The following PLCB1 variants were observed in gnomAD, a reference collection of about 807,000 sequenced individuals.
PLCB1 encodes 1-phosphatidylinositol 4,5-bisphosphate phosphodiesterase beta-1.
Under a neutral mutation model 161.8 loss-of-function variants are expected in PLCB1, and 46 were observed. The ratio of observed to expected loss-of-function variants is 0.28; its 90% CI spans 0.22 to 0.36. The LOEUF is 0.36. Among genes scored for constraint, PLCB1 ranks in the 10% least tolerant of loss-of-function variants. PLCB1 has a pLI of 1.00. For missense variants in PLCB1, 1,016 were observed against 1,472.5 expected (o/e 0.69, Z 5.07); for synonymous variants, 517 against 503.7 (o/e 1.03, Z -0.35).
At chr20:8,605,344 G>A (rs933489718) in intron 3 of PLCB1, among the ~76,000 whole-genome samples, 1 of 151,724 alleles carries the variant, frequency 6.6e-6, no homozygotes, top group African/African-American at 2.4e-5. Flanking sequence ...TCATTTGAAG[G>A]CCATATAGTA....
chr20:8,535,773 TATA>T (rs1985025632), intron 3 of PLCB1, among the ~76,000 whole-genome samples: 1 of 152,134 alleles, frequency 6.6e-6, no homozygotes, highest in South Asian at 2.1e-4. Flanking sequence ...ATTATTTTGA[TATA>T]ATAAAAGAGA....
chr20:8,881,306 C>G (rs1987972752), intron 31 of PLCB1, among the ~76,000 whole-genome samples: 1 of 149,100 alleles, frequency 6.7e-6, no homozygotes, highest in Non-Finnish European at 1.5e-5. Flanking sequence ...CGCCCAGACT[C>G]TGACACCTTT....
rs6140561 is a variant in PLCB1, at chr20:8,238,866, T to C, written c.177+88495T>C. Among the ~76,000 whole-genome samples the C allele has an allele frequency of 3.7e-3, 559 of 150,086 alleles. 5 individuals are homozygous for C. The highest frequency in any genetic ancestry group is 0.013 in the African/African-American group (526 of 41,078). ...GGAGTCCATTGAGTAAATGGGTGGC[T>C]GGGGGGAAGACATCAGACCCCGAGA... On this transcript the variant is annotated intron_variant, in intron 2 of 31. Transcript: ENST00000338037.
At chr20:8,256,605 T>G (rs1185062117) in intron 2 of PLCB1, 1 of 152,076 alleles carries the variant, frequency 6.6e-6, no homozygotes, top group Non-Finnish European at 1.5e-5. Context: ...AATCTCCAAT[T>G]TTTTGATGGG....
chr20:8,392,057 G>A (rs1987624064), intron 3 of PLCB1, among the ~76,000 whole-genome samples: 1 of 151,826 alleles, frequency 6.6e-6, no homozygotes, highest in Non-Finnish European at 1.5e-5. Flanking sequence ...TTTATGAGCA[G>A]CGAGTTCCTA....
chr20:8,833,292 G>A (rs899172303), intron 31 of PLCB1, among the ~76,000 whole-genome samples: 6 of 152,172 alleles, frequency 3.9e-5, no homozygotes, highest in African/African-American at 1.2e-4. Context: ...CTTACATGAC[G>A]ACAGGCAAAA....
At chr20:8,367,031 G>C (rs1358019481) in intron 2 of PLCB1, among the ~76,000 whole-genome samples, 3 of 152,162 alleles carry the variant, frequency 2.0e-5, no homozygotes, top group Non-Finnish European at 4.4e-5. Flanking sequence ...GAACACCTAG[G>C]ACATTTGCTT....
intron 23 of PLCB1, among the ~76,000 whole-genome samples, chr20:8,748,849 T>C (rs6039251): frequency 0.34 from 52,136 of 152,092 alleles, 9,235 homozygotes; most frequent in South Asian, 0.49. Context: ...CGGGTAACTA[T>C]GTGAGATGAT....
intron 2 of PLCB1, among the ~76,000 whole-genome samples, chr20:8,341,567 T>C (rs1222531252): frequency 2.9e-4 from 44 of 152,204 alleles, no homozygotes; most frequent in Admixed American, 2.8e-3. Context: ...CTTCTCATCA[T>C]GGATATAACC....
At position 8,624,424 on chromosome 20, in the gene PLCB1, C is replaced by T. The variant is rs999941512; in HGVS notation, c.247-3870C>T. On this transcript the variant is annotated intron_variant, in intron 3 of 31. Coordinates refer to ENST00000338037, the MANE Select transcript of PLCB1 (RefSeq NM_015192.4). ...GGTATCAAAAATAAAATCTAAAGGTCATGAAGAGATGTTTTATTTTGTAGA... is the reference window on the plus strand; with the variant it reads ...GGTATCAAAAATAAAATCTAAAGGTTATGAAGAGATGTTTTATTTTGTAGA... Among the ~76,000 whole-genome samples the T allele has an allele frequency of 3.9e-5, 6 of 152,030 alleles. No individual in the cohort carries two copies. In the East Asian group the frequency reaches 1.2e-3, roughly 29 times the overall value.
chr20:8,341,874 G>T (rs936170950), intron 2 of PLCB1, among the ~76,000 whole-genome samples: 2 of 152,024 alleles, frequency 1.3e-5, no homozygotes, highest in Non-Finnish European at 2.9e-5. Context: ...TTTTTTGTAT[G>T]TGTAAACTGA....
chr20:8,490,916 A>ATC (rs1982921714), intron 3 of PLCB1, among the ~76,000 whole-genome samples: 1 of 151,240 alleles, frequency 6.6e-6, no homozygotes, highest in Admixed American at 6.6e-5. Context: ...ATGTGTACAT[A>ATC]TATATTAGCA....
intron 2 of PLCB1, among the ~76,000 whole-genome samples, chr20:8,337,010 A>T (rs187521262): frequency 3.2e-4 from 48 of 152,260 alleles, no homozygotes; most frequent in African/African-American, 1.0e-3. Context: ...TCATTTCTAT[A>T]TGTCTAATTC....
intron 3 of PLCB1, among the ~76,000 whole-genome samples, chr20:8,523,632 T>C (rs973470298): frequency 8.6e-5 from 13 of 150,488 alleles, no homozygotes; most frequent in Middle Eastern, 3.4e-3. Context: ...ACCTGAGATA[T>C]AGTGAATAGT....
intron 3 of PLCB1, among the ~76,000 whole-genome samples, chr20:8,417,773 G>C (rs565058492): frequency 6.6e-6 from 1 of 152,346 alleles, no homozygotes; most frequent in South Asian, 2.1e-4. Context: ...AGAATCTTTA[G>C]AGAGAAAATC....
intron 2 of PLCB1, among the ~76,000 whole-genome samples, chr20:8,262,962 C>T (rs1313279995): frequency 6.6e-6 from 1 of 152,152 alleles, no homozygotes; most frequent in African/African-American, 2.4e-5. Flanking sequence ...ACCTAATTAC[C>T]TCACAAAGGC....
At chr20:8,605,964 T>A (rs964292715) in intron 3 of PLCB1, among the ~76,000 whole-genome samples, 1 of 152,162 alleles carries the variant, frequency 6.6e-6, no homozygotes, top group Admixed American at 6.5e-5. Context: ...TTTCATCCAT[T>A]TTACTGCACA....
intron 31 of PLCB1, among the ~76,000 whole-genome samples, chr20:8,856,760 G>A (rs4426594): frequency 0.28 from 42,912 of 152,176 alleles, 7,376 homozygotes; most frequent in East Asian, 0.65. Context: ...AGGTCTTATG[G>A]AGTGCTGGTA....
At chr20:8,409,444 TTTA>T (rs66962703) in intron 3 of PLCB1, among the ~76,000 whole-genome samples, 61 of 147,330 alleles carry the variant, frequency 4.1e-4, no homozygotes, top group Admixed American at 4.7e-4. Context: ...GTATATTATT[TTTA>T]TTATTATTAT....
Sources: gnomAD v4.1 joint callset for allele counts (sites outside exome capture counted in the v4.1 genomes callset) on GRCh38, gnomAD v4.1.1 for gene constraint, MANE v1.5 for transcripts, NCBI Gene and HGNC (gene_info 2026-07-23, HGNC 2026-07-21) for gene names.